SYNPO2: variants seen among roughly 807,000 people sequenced by gnomAD.
SYNPO2 encodes synaptopodin 2.
SYNPO2 carries 56 observed loss-of-function variants against 85.0 expected under a neutral mutation model. That is an observed-to-expected ratio of 0.66 (90% confidence interval 0.53 to 0.82). The LOEUF (loss-of-function observed/expected upper bound fraction) is 0.82. SYNPO2 is among the 40% of genes least tolerant of loss of function. The pLI is 0.00. For synonymous variants in SYNPO2, 602 were observed against 591.1 expected, an observed-to-expected ratio of 1.02 and a Z score of -0.27; for missense variants, 1,575 against 1,534.2, an observed-to-expected ratio of 1.03 and a Z score of -0.44.
intron 1 of SYNPO2, among the ~76,000 whole-genome samples, chr4:118,903,898 T>A (rs1037575760): frequency 2.0e-5 from 3 of 151,976 alleles, no homozygotes; most frequent in African/African-American, 7.3e-5. Flanking sequence ...TTTTCAGTAG[T>A]TTCAACAAGG....
chr4:119,056,117 G>C (rs921278923), intron 4 of SYNPO2, among the ~76,000 whole-genome samples: 1 of 152,176 alleles, frequency 6.6e-6, no homozygotes, highest in Admixed American at 6.5e-5. Context: ...TACCCTTTCT[G>C]CGTTTTTGCC....
chr4:118,891,040 A>C (rs952513669), intron 1 of SYNPO2, among the ~76,000 whole-genome samples: 9 of 151,986 alleles, frequency 5.9e-5, no homozygotes, highest in African/African-American at 1.7e-4. Context: ...GCGGCGATTC[A>C]CTGAAGAGCT....
rs1317440298 is a variant in SYNPO2 at position 119,057,619 on chromosome 4, G to A, written c.3471G>A (p.Val1157=). The A allele has an allele frequency of 1.9e-6, 3 of 1,614,008 alleles. No homozygotes were observed. Among genetic ancestry groups the A allele is most frequent in the African/African-American group, 1.3e-5 (1 of 74,914 alleles). ...FQPRNIQESI[V]ANVVSAARRK... ...CCAGAAACATCCAGGAATCCATTGT[G>A]GCAAATGTGGTTTCAGCAGCTCGGA... is the stretch of plus-strand genomic sequence containing the variant. Residue 1157 remains valine (V), a synonymous_variant, in exon 5 of 5, where the codon GTG becomes GTA. Transcript: ENST00000307142.
intron 1 of SYNPO2, among the ~76,000 whole-genome samples, chr4:118,879,917 A>G (rs1578515001): frequency 6.6e-6 from 1 of 151,170 alleles, no homozygotes; most frequent in South Asian, 2.1e-4. Context: ...GCCTGTCAGC[A>G]GCATGGAGGT....
intron 1 of SYNPO2, among the ~76,000 whole-genome samples, chr4:118,857,016 C>T (rs115011450): frequency 0.041 from 6,252 of 151,952 alleles, 192 homozygotes; most frequent in Non-Finnish European, 0.064. Flanking sequence ...GTATAGCCCA[C>T]AGTATAGACT....
chr4:118,985,585 A>T (rs1736188094), intron 1 of SYNPO2, among the ~76,000 whole-genome samples: 1 of 152,336 alleles, frequency 6.6e-6, no homozygotes, highest in Non-Finnish European at 1.5e-5. Flanking sequence ...TGACATATTA[A>T]TAGAGTTAAT....
intron 1 of SYNPO2, among the ~76,000 whole-genome samples, chr4:118,900,697 C>CTATA (rs1165068182): frequency 1.4e-3 from 53 of 37,142 alleles, no homozygotes; most frequent in African/African-American, 3.1e-3. Flanking sequence ...CTCTCTCTCT[C>CTATA]TCTCTCTATA....
chr4:119,035,829 A>AAC (rs2149194265), intron 4 of SYNPO2: 1 of 985,000 alleles, frequency 1.0e-6, no homozygotes, highest in East Asian at 1.1e-4. Flanking sequence ...CAAAAAAAAA[A>AAC]AAAAAACACC....
intron 4 of SYNPO2, among the ~76,000 whole-genome samples, chr4:119,047,348 T>C (rs1738903583): frequency 6.6e-6 from 1 of 152,258 alleles, no homozygotes; most frequent in African/African-American, 2.4e-5. Flanking sequence ...CGTAAGCCAC[T>C]GTGCCCAGCC....
intron 1 of SYNPO2, among the ~76,000 whole-genome samples, chr4:119,012,364 T>C (rs1220252162): frequency 5.8e-5 from 8 of 137,504 alleles, no homozygotes; most frequent in Middle Eastern, 7.4e-3. Context: ...TTCCTTTTTT[T>C]TCCCCCTTTT....
chr4:118,993,923 G>A (rs994287483), intron 1 of SYNPO2, among the ~76,000 whole-genome samples: 1 of 152,192 alleles, frequency 6.6e-6, no homozygotes, highest in South Asian at 2.1e-4. Flanking sequence ...GCTTTGCCTA[G>A]TCTTACCTAG....
At chr4:118,961,217 A>G (rs890408577) in intron 1 of SYNPO2, among the ~76,000 whole-genome samples, 4 of 151,114 alleles carry the variant, frequency 2.6e-5, no homozygotes, top group Non-Finnish European at 5.9e-5. Flanking sequence ...GCTGCTGAAC[A>G]TCTTATACTG....
Position 119,029,827 on chromosome 4 carries a change from T to TTC in SYNPO2, c.1070-17_1070-16insCT, listed in dbSNP as rs34286363. The stretch of plus-strand genomic sequence containing the variant: ...ACTCATCAGCTCAATATAATTTTTT[T>TTC]TTTTTTGCTTTCCCTAGGGCTCAGG... On this transcript the variant is annotated splice_polypyrimidine_tract_variant and intron_variant, in intron 3 of 4. Coordinates refer to ENST00000307142, the MANE Select transcript of SYNPO2 (RefSeq NM_133477.3). 6.6e-7 allele frequency: 1 copy of TTC among 1,522,408 alleles called. No individual in the cohort carries two copies. The highest frequency in any genetic ancestry group is 1.3e-5 in the South Asian group (1 of 74,362). The allele number at this position is 1,522,408 out of a possible 1,614,324, so 94.3% of individuals were successfully genotyped here.
At chr4:119,004,492 T>G (rs1736947389) in intron 1 of SYNPO2, among the ~76,000 whole-genome samples, 2 of 149,150 alleles carry the variant, frequency 1.3e-5, no homozygotes, top group South Asian at 4.5e-4. Context: ...TTTTTTGTCC[T>G]TGTGATATTT....
In SYNPO2 at chr4:119,027,288, T is replaced by A; in HGVS notation, c.919T>A (p.Cys307Ser). The change falls in exon 3 of 5, where the codon TGT becomes AGT. Residue 307 changes from cysteine (C) to serine (S), a missense_variant. By Grantham distance (112) the Cys-to-Ser change is moderately radical (BLOSUM62 -1). Around this residue, in one of 3 missense-constraint regions of SYNPO2, gnomAD observed 1,508 missense variants for 1,446.8 expected, o/e 1.04. Transcript: ENST00000307142. ...GTGCAGGCTTCAGGCAGGAAAGGAGTGTGTGGATTCTCCAGTGGAAGGAGG... is the reference window on the plus strand; with the variant it reads ...GTGCAGGCTTCAGGCAGGAAAGGAGAGTGTGGATTCTCCAGTGGAAGGAGG... ...EGCRLQAGKE[C>S]VDSPVEGGQS... 6.2e-7 allele frequency: 1 copy of A among 1,613,838 alleles called. No homozygotes were observed.
chr4:118,948,307 A>G (rs1578576427), intron 1 of SYNPO2, among the ~76,000 whole-genome samples: 1 of 152,190 alleles, frequency 6.6e-6, no homozygotes, highest in African/African-American at 2.4e-5. Context: ...CCATTTTCTT[A>G]AGGAAGAAAA....
chr4:119,032,374 A>G, intron 4 of SYNPO2: 5 of 1,205,374 alleles, frequency 4.1e-6, no homozygotes, highest in Non-Finnish European at 5.2e-6. Flanking sequence ...GTGATATCAA[A>G]CATCAGGAAT....
chr4:118,894,837 T>G (rs796693204), intron 1 of SYNPO2, among the ~76,000 whole-genome samples: 2 of 142,924 alleles, frequency 1.4e-5, no homozygotes, highest in African/African-American at 5.1e-5. Context: ...ATTCACATTT[T>G]AAAAAAAAAA....
intron 1 of SYNPO2, among the ~76,000 whole-genome samples, chr4:118,928,608 T>C (rs1733817889): frequency 1.3e-5 from 2 of 152,196 alleles, no homozygotes; most frequent in South Asian, 2.1e-4. Context: ...TTACCGAAAG[T>C]CTCAGGCCAT....
Sources: allele counts gnomAD v4.1 joint callset (sites outside exome capture counted in the v4.1 genomes callset), GRCh38; gene constraint gnomAD v4.1.1; regional missense constraint gnomAD v4.1.1; transcripts MANE v1.5; gene names NCBI Gene and HGNC (gene_info 2026-07-23, HGNC 2026-07-21).